Variants in ARHGEF28 observed in about 807,000 individuals in gnomAD.
ARHGEF28 encodes 190 kDa guanine nucleotide exchange factor.
In ARHGEF28, 152 loss-of-function variants were observed where a neutral mutation model predicts 206.6. The ratio of observed to expected loss-of-function variants is 0.74; its 90% CI spans 0.64 to 0.84. ARHGEF28 has a LOEUF of 0.84. Among genes scored for constraint, ARHGEF28 ranks in the 40% least tolerant of loss-of-function variants. The probability of loss-of-function intolerance (pLI) is 0.00; values close to 1 mark genes in which losing one functional copy is unlikely to be tolerated. For synonymous variants in ARHGEF28, 763 were observed against 776.4 expected, an observed-to-expected ratio of 0.98 and a Z score of 0.29; for missense variants, 2,028 against 2,073.2, an observed-to-expected ratio of 0.98 and a Z score of 0.42.
intron 2 of ARHGEF28, among the ~76,000 whole-genome samples, chr5:73,686,373 G>A (rs977053243): frequency 2.0e-5 from 3 of 151,816 alleles, no homozygotes; most frequent in Non-Finnish European, 4.4e-5. Context: ...GTAGCTGACC[G>A]ACCTCCTCAT....
At chr5:73,757,354 A>C (rs998098160) in intron 4 of ARHGEF28, among the ~76,000 whole-genome samples, 1 of 152,220 alleles carries the variant, frequency 6.6e-6, no homozygotes, top group African/African-American at 2.4e-5. Flanking sequence ...CTTTTATTAA[A>C]ATTTTTTTGT....
rs145394459 is a variant in ARHGEF28, at chr5:73,933,895, A to G, written c.4949-6949A>G. Among the ~76,000 whole-genome samples, 725 of 151,944 alleles carry G rather than the reference A, an allele frequency of 4.8e-3. 3 individuals carry two copies. The highest frequency in any genetic ancestry group is 0.02 in the East Asian group (102 of 5,172). ...CTTAAAATCATGCTGTCAGTATTTG[A>G]ATTTCTCTGGATTGTCTCATAAATG... On this transcript the variant is annotated intron_variant, in intron 35 of 35. Coordinates refer to ENST00000513042, the MANE Select transcript of ARHGEF28 (RefSeq NM_001177693.2).
rs185071894 is a variant in ARHGEF28, at chr5:73,802,206, A to G, written c.1024+6815A>G. 2.1e-3 allele frequency among the ~76,000 whole-genome samples: 315 copies of G among 151,400 alleles called. 2 individuals are homozygous for G. The highest frequency in any genetic ancestry group is 7.5e-3 in the African/African-American group (308 of 41,042). ...AATTTCCTAACCACTTCAATTTATG[A>G]GATGATTAAACCTTTAAAAGTTAAT... On this transcript the variant is annotated intron_variant, in intron 9 of 35. Transcript: ENST00000513042.
At chr5:73,894,302 T>G (rs1227245117) in intron 28 of ARHGEF28, 91 bp from the exon 29 acceptor site, 2 of 1,316,670 alleles carry the variant, frequency 1.5e-6, no homozygotes, top group Non-Finnish European at 2.1e-6. Context: ...TCTTACTGCT[T>G]GCTAATTAGC....
Position 73,846,322 on chromosome 5 carries a change from A to G in ARHGEF28, c.1482A>G (p.Pro494=). The G allele has an allele frequency of 6.2e-7, 1 of 1,613,860 alleles. No homozygotes were observed. ...GTGAAGGGGAAGGGCATTCTGAGCC[A>G]TCCCACATCTGTTACACTCCAGGGT... ...ADSEGEGHSE[P]SHICYTPGSQ... The change falls in exon 12 of 36, where the codon CCA becomes CCG. Residue 494 remains proline, a synonymous_variant. Coordinates refer to ENST00000513042, the MANE Select transcript of ARHGEF28 (RefSeq NM_001177693.2).
chr5:73,757,241 A>G (rs1053528766), intron 4 of ARHGEF28, among the ~76,000 whole-genome samples: 2 of 152,206 alleles, frequency 1.3e-5, no homozygotes, highest in African/African-American at 2.4e-5. Context: ...ACTGGACATT[A>G]TAATGTATTA....
chr5:73,780,756 T>A lies in ARHGEF28; in HGVS notation c.910+11T>A. 4 of 1,553,970 alleles carry A rather than the reference T, an allele frequency of 2.6e-6. No homozygotes were observed. The highest frequency in any genetic ancestry group is 3.5e-6 in the Non-Finnish European group (4 of 1,148,382). On this transcript the variant is annotated intron_variant, in intron 7 of 35. Transcript: ENST00000513042. Reference sequence around the variant, plus strand: ...CAGAAACTGAAGAAGGTACGCATGCTCCTTTCCCACTTATGGCAGCCACAG... The same window carrying A: ...CAGAAACTGAAGAAGGTACGCATGCACCTTTCCCACTTATGGCAGCCACAG...
chr5:73,827,034 C>T (rs959882330), intron 9 of ARHGEF28, among the ~76,000 whole-genome samples: 7 of 152,180 alleles, frequency 4.6e-5, no homozygotes, highest in African/African-American at 1.7e-4. Flanking sequence ...TGCCTTTGTT[C>T]TTGAGAAATG....
intron 1 of ARHGEF28, among the ~76,000 whole-genome samples, chr5:73,676,107 G>C (rs1246463642): frequency 8.5e-6 from 1 of 117,112 alleles, no homozygotes; most frequent in South Asian, 2.7e-4. Context: ...TTTTGCTCTT[G>C]TCACCCAGGC....
intron 10 of ARHGEF28, among the ~76,000 whole-genome samples, chr5:73,836,500 GGTTT>G (rs1037931395): frequency 4.4e-4 from 67 of 151,632 alleles, no homozygotes; most frequent in African/African-American, 1.3e-3. Context: ...GTTATTTGTG[GGTTT>G]GTTTGTTTGT....
At chr5:73,726,125 G>A (rs1251342882) in intron 2 of ARHGEF28, among the ~76,000 whole-genome samples, 1 of 152,154 alleles carries the variant, frequency 6.6e-6, no homozygotes, top group Non-Finnish European at 1.5e-5. Flanking sequence ...ATCCCTAAAA[G>A]TTTAAACCAG....
intron 2 of ARHGEF28, among the ~76,000 whole-genome samples, chr5:73,746,986 G>T (rs892624892): frequency 6.6e-6 from 1 of 152,106 alleles, no homozygotes; most frequent in Admixed American, 6.5e-5. Flanking sequence ...TTTGAAAAAT[G>T]GGTTTTGACT....
chr5:73,940,927 G>A lies in ARHGEF28; in HGVS notation c.5032G>A (p.Ala1678Thr). Residue 1678 changes from alanine to threonine, a missense_variant, in exon 36 of 36, where the codon GCA becomes ACA. By Grantham distance (58) the Ala-to-Thr change is moderately conservative. Transcript: ENST00000513042. ...RPQLQAFITE[A>T]KLNLPTRTMT... ...TCAACTGCAGGCGTTTATAACAGAA[G>A]CAAAGCTAAATCTACCGACAAGGAC... The A allele has an allele frequency of 6.5e-7, 1 of 1,534,602 alleles. No homozygotes were observed. Among genetic ancestry groups the A allele is most frequent in the Non-Finnish European group, 8.7e-7 (1 of 1,146,602 alleles).
chr5:73,780,972 C>T (rs184270185), intron 7 of ARHGEF28, among the ~76,000 whole-genome samples: 1 of 152,134 alleles, frequency 6.6e-6, no homozygotes, highest in Non-Finnish European at 1.5e-5. Flanking sequence ...TGCTGTTTGC[C>T]GGGACCTGGG....
At chr5:73,727,993 A>ATCCGGTCC (rs1750383259) in intron 2 of ARHGEF28, among the ~76,000 whole-genome samples, 1 of 152,110 alleles carries the variant, frequency 6.6e-6, no homozygotes, top group South Asian at 2.1e-4. Context: ...AATGCTATTT[A>ATCCGGTCC]TCTGGTCCTC....
At chr5:73,737,404 G>A (rs1020907782) in intron 2 of ARHGEF28, among the ~76,000 whole-genome samples, 8 of 147,044 alleles carry the variant, frequency 5.4e-5, no homozygotes, top group South Asian at 2.2e-4. Context: ...GCCCACTGCC[G>A]TTGTTTTTGT....
rs760867112 is a variant in ARHGEF28 at position 73,780,716 on chromosome 5, T to C, written c.881T>C (p.Met294Thr). 6 of 1,559,304 alleles carry C rather than the reference T, an allele frequency of 3.8e-6. No homozygotes were observed. The highest frequency in any genetic ancestry group is 5.2e-6 in the Non-Finnish European group (6 of 1,151,204). ...PEARPEERTAMPSSGAETEEE... is the reference protein window; with the variant it reads ...PEARPEERTATPSSGAETEEE... ...GCCAGGCCAGAGGAAAGAACAGCTA[T>C]GCCCTCCAGCGGTGCAGAAACTGAA... Residue 294 changes from methionine to threonine, a missense_variant, in exon 7 of 36, where the codon ATG becomes ACG. Met to Thr is a moderately conservative substitution (Grantham distance 81, BLOSUM62 -1). Coordinates refer to ENST00000513042, the MANE Select transcript of ARHGEF28 (RefSeq NM_001177693.2).
intron 4 of ARHGEF28, among the ~76,000 whole-genome samples, chr5:73,757,967 A>G (rs750648159): frequency 1.4e-4 from 22 of 152,210 alleles, no homozygotes; most frequent in Admixed American, 3.3e-4. Context: ...TAACTGGGAT[A>G]ACACATTCTA....
chr5:73,680,296 G>A (rs1379733288), intron 1 of ARHGEF28, among the ~76,000 whole-genome samples: 2 of 151,698 alleles, frequency 1.3e-5, no homozygotes, highest in African/African-American at 2.4e-5. Flanking sequence ...TTAGCTGGGC[G>A]TGGTGGTGGG....
Sources: allele counts gnomAD v4.1 joint callset (sites outside exome capture counted in the v4.1 genomes callset), GRCh38; gene constraint gnomAD v4.1.1; transcripts MANE v1.5; gene names NCBI Gene and HGNC (gene_info 2026-07-23, HGNC 2026-07-21).